The following PHEX variants were observed in gnomAD, a reference collection of about 807,000 sequenced individuals.
PHEX encodes the protein phosphate-regulating neutral endopeptidase PHEX.
PHEX carries 16 observed loss-of-function variants against 68.0 expected under a neutral mutation model. The ratio of observed to expected loss-of-function variants is 0.24; its 90% CI spans 0.16 to 0.36. The LOEUF (loss-of-function observed/expected upper bound fraction) is 0.36. PHEX is among the 10% of genes least tolerant of loss of function. The pLI is 1.00. For missense variants in PHEX, 480 were observed against 575.5 expected (o/e 0.83, Z 1.70); for synonymous variants, 208 against 205.1 (o/e 1.01, Z -0.12).
Position 22,096,944 on chromosome X carries a change from C to G in PHEX, c.850-11C>G. The G allele has an allele frequency of 8.5e-7, 1 of 1,175,337 alleles. No individual in the cohort carries two copies. Among genetic ancestry groups the G allele is most frequent in the Non-Finnish European group, 1.2e-6 (1 of 862,519 alleles). On this transcript the variant is annotated splice_polypyrimidine_tract_variant and intron_variant, in intron 7 of 21. Transcript: ENST00000379374. ...ACTTGAAAAAAAATAACAAAAATCT[C>G]TTTTCAACAGATAATGATTCCACAT...
chrX:22,250,685 T>C lies in PHEX; in HGVS notation c.*2732T>C, dbSNP rs1936543631. Reference sequence around the variant, plus strand: ...TGAGCTTTTCACTAAGTGCTCAGCATTGGCCTCCTGTTCTCATTTATTCAT... The same window carrying C: ...TGAGCTTTTCACTAAGTGCTCAGCACTGGCCTCCTGTTCTCATTTATTCAT... On this transcript the variant is annotated 3_prime_UTR_variant, in exon 22 of 22. Coordinates refer to ENST00000379374, the MANE Select transcript of PHEX (RefSeq NM_000444.6). 1 of 112,478 alleles carries C rather than the reference T, an allele frequency of 8.9e-6. No individual in the cohort carries two copies. Among genetic ancestry groups the C allele is most frequent in the Non-Finnish European group, 1.9e-5 (1 of 53,308 alleles). The allele number at this position is 112,478 out of a possible 1,213,427, so 9.3% of individuals were successfully genotyped here.
intron 2 of PHEX, among the ~76,000 whole-genome samples, chrX:22,039,039 G>A (rs1255258069): frequency 8.9e-6 from 1 of 112,118 alleles, no homozygotes; most frequent in African/African-American, 3.2e-5. Context: ...CACGATCTCA[G>A]CTCACTGCAT....
intron 13 of PHEX, among the ~76,000 whole-genome samples, chrX:22,176,113 G>A (rs1032095132): frequency 6.3e-5 from 7 of 110,641 alleles, no homozygotes; most frequent in Non-Finnish European, 1.1e-4. Context: ...TTTGGCCAGC[G>A]CGGTGGCCCA....
chrX:22,095,668 A>G (rs1275046465), intron 7 of PHEX, among the ~76,000 whole-genome samples: 2 of 112,135 alleles, frequency 1.8e-5, no homozygotes, highest in African/African-American at 6.5e-5. Context: ...TGGAGGGTGA[A>G]GAAAGGGAAG....
chrX:22,106,252 T>C (rs956317716), intron 9 of PHEX, among the ~76,000 whole-genome samples: 2 of 111,574 alleles, frequency 1.8e-5, no homozygotes, highest in South Asian at 3.8e-4. Context: ...ATTCTGTCAG[T>C]GTATTTATAA....
At chrX:22,172,161 T>C (rs1217221395) in intron 13 of PHEX, 1 of 112,101 alleles carries the variant, frequency 8.9e-6, no homozygotes, top group Non-Finnish European at 1.9e-5. Context: ...ATGCCCTTTA[T>C]TTGAACCCCC....
At chrX:22,151,808 A>C (rs975904985) in intron 12 of PHEX, among the ~76,000 whole-genome samples, 1 of 111,297 alleles carries the variant, frequency 9.0e-6, no homozygotes, top group African/African-American at 3.3e-5. Context: ...CTCTTGGCCA[A>C]GTCTTGTCTT....
At chrX:22,120,653 C>G (rs1253997345) in intron 11 of PHEX, among the ~76,000 whole-genome samples, 3 of 111,569 alleles carry the variant, frequency 2.7e-5, no homozygotes, top group African/African-American at 6.5e-5. Context: ...TTGATTTAAT[C>G]TAAGAATAAC....
chrX:22,250,055 C>T lies in PHEX; in HGVS notation c.*2102C>T, dbSNP rs1301732952. ...GCTTACCTTATCCTGATTAACTTTA[C>T]TTGCTGTAACTGTTATACCGAAAAT... On this transcript the variant is annotated 3_prime_UTR_variant, in exon 22 of 22. Transcript: ENST00000379374. 1 of 111,864 alleles carries T rather than the reference C, an allele frequency of 8.9e-6. No individual in the cohort carries two copies. Among genetic ancestry groups the T allele is most frequent in the East Asian group, 2.8e-4 (1 of 3,573 alleles). 9.2% of individuals were successfully genotyped at this position (111,864 alleles called of 1,213,427 possible). A position where few individuals can be genotyped will look rare whatever the true frequency, so the allele number is the denominator to read the frequency against.
chrX:22,094,831 G>A (rs1930062443), intron 7 of PHEX, among the ~76,000 whole-genome samples: 1 of 111,882 alleles, frequency 8.9e-6, no homozygotes, highest in African/African-American at 3.2e-5. Flanking sequence ...CTCCTAAATG[G>A]TTAGCTTTGT....
intron 14 of PHEX, among the ~76,000 whole-genome samples, chrX:22,184,223 G>A (rs1933961549): frequency 9.1e-6 from 1 of 109,984 alleles, no homozygotes; most frequent in Admixed American, 9.7e-5. Flanking sequence ...AGGGATATGA[G>A]TAAATTCCTT....
At chrX:22,070,640 T>A (rs1197170937) in intron 3 of PHEX, among the ~76,000 whole-genome samples, 1 of 112,129 alleles carries the variant, frequency 8.9e-6, no homozygotes, top group African/African-American at 3.2e-5. Flanking sequence ...GAGCTGTGAT[T>A]ATGCCTCTGT....
At chrX:22,073,132 A>G (rs775832102) in intron 3 of PHEX, among the ~76,000 whole-genome samples, 5 of 111,763 alleles carry the variant, frequency 4.5e-5, no homozygotes, top group Non-Finnish European at 9.4e-5. Context: ...TCCTTTGGCC[A>G]ACAATATCCT....
chrX:22,155,042 G>A (rs990548172), intron 12 of PHEX, among the ~76,000 whole-genome samples: 11 of 112,446 alleles, frequency 9.8e-5, no homozygotes, highest in Admixed American at 4.7e-4. Context: ...CTCCCACGTA[G>A]CTGGGATTAC....
rs142408509 is a variant in PHEX at position 22,163,932 on chromosome X, A to C, written c.1405-4380A>C. Among the ~76,000 whole-genome samples, 550 of 112,192 alleles carry C rather than the reference A, an allele frequency of 4.9e-3. 3 individuals are homozygous for C. Among genetic ancestry groups the C allele is most frequent in the African/African-American group, 0.017 (526 of 30,915 alleles). On this transcript the variant is annotated intron_variant, in intron 12 of 21. Transcript: ENST00000379374. The stretch of plus-strand genomic sequence containing the variant: ...ATTTAATACAGGGAATTGGAGGCTT[A>C]GGTAACCTTTCAGAGGGCTGGGGAG...
chrX:22,192,855 A>T (rs1934246727), intron 15 of PHEX, among the ~76,000 whole-genome samples: 1 of 111,241 alleles, frequency 9.0e-6, no homozygotes, highest in Non-Finnish European at 1.9e-5. Context: ...GCTGCTCACT[A>T]CCAGCTGGCA....
Position 22,079,996 on chromosome X carries a change from T to A in PHEX, c.663+2294T>A, listed in dbSNP as rs1167854201. On this transcript the variant is annotated intron_variant, in intron 5 of 21. Transcript: ENST00000379374. ...GACCGATATCACCTGAACCCTAATA[T>A]CAATGATAGCATTGCTAAAAGTGGG... Among the ~76,000 whole-genome samples the A allele has an allele frequency of 2.7e-5, 3 of 111,331 alleles. No homozygotes were observed. The Admixed American group carries it at 2.9e-4, about 11-fold the overall frequency.
intron 3 of PHEX, among the ~76,000 whole-genome samples, chrX:22,063,192 G>A (rs548952609): frequency 8.9e-6 from 1 of 112,369 alleles, no homozygotes; most frequent in African/African-American, 3.2e-5. Flanking sequence ...CAGAATGACT[G>A]CTCTGGCAGT....
intron 12 of PHEX, among the ~76,000 whole-genome samples, chrX:22,144,616 A>T (rs1199553565): frequency 9.0e-6 from 1 of 110,984 alleles, no homozygotes; most frequent in Non-Finnish European, 1.9e-5. Context: ...TATCTCCAAC[A>T]TATAAGGAAT....
Sources: allele counts gnomAD v4.1 joint callset (sites outside exome capture counted in the v4.1 genomes callset), GRCh38; gene constraint gnomAD v4.1.1; transcripts MANE v1.5; gene names NCBI Gene and HGNC (gene_info 2026-07-23, HGNC 2026-07-21).